SORL1: variants seen among roughly 807,000 people sequenced by gnomAD.
SORL1 encodes sortilin related receptor 1.
A neutral mutation model predicts 273.7 loss-of-function variants in SORL1; 127 were observed. That is an observed-to-expected ratio of 0.46 (90% CI 0.40 to 0.54). The LOEUF is 0.54. Ranked by LOEUF, SORL1 falls within the 20% of genes least tolerant of loss-of-function variation. SORL1 has a pLI of 0.00. For missense variants in SORL1, 2,494 were observed against 2,846.1 expected (o/e 0.88, Z 2.81); for synonymous variants, 1,031 against 1,067.4 (o/e 0.97, Z 0.66).
Position 121,522,719 on chromosome 11 carries a change from T to C in SORL1, c.1522+16T>C. 3.1e-6 allele frequency: 5 copies of C among 1,593,754 alleles called. No individual in the cohort carries two copies. Among genetic ancestry groups the C allele is most frequent in the Non-Finnish European group, 4.3e-6 (5 of 1,161,382 alleles). On this transcript the variant is annotated intron_variant, in intron 10 of 47. Transcript: ENST00000260197. ...ATCGCCACTGGTAAGTGTGCTTGCC[T>C]GTTCTCAAAAGGGGTTCAGCTGTCT...
intron 3 of SORL1, among the ~76,000 whole-genome samples, chr11:121,479,722 G>A (rs543723745): frequency 1.6e-4 from 24 of 152,322 alleles, no homozygotes; most frequent in African/African-American, 5.3e-4. Context: ...GGCAGCGGCT[G>A]TTGACCAGGT....
intron 26 of SORL1, among the ~76,000 whole-genome samples, chr11:121,585,301 T>C (rs1005788983): frequency 3.9e-5 from 6 of 152,132 alleles, no homozygotes; most frequent in African/African-American, 1.4e-4. Flanking sequence ...CTGGGCAACA[T>C]AGCAAGACCC....
chr11:121,621,872 C>T (rs950271909), intron 44 of SORL1, among the ~76,000 whole-genome samples: 4 of 152,244 alleles, frequency 2.6e-5, no homozygotes, highest in African/African-American at 9.6e-5. Flanking sequence ...CCATTCCTTC[C>T]TCACCACCCT....
At position 121,596,828 on chromosome 11, in the gene SORL1, A is replaced by G. The variant is rs1565349215; in HGVS notation, c.4519+1056A>G. On this transcript the variant is annotated intron_variant, in intron 32 of 47. Transcript: ENST00000260197. The surrounding 1 kb of genome is among the most constrained non-coding windows in gnomAD (Gnocchi z 4.3). ...CCACTTTGATCCCTGTTCTGGTCCC[A>G]TTTTTTTTTTAATCTTAAAATAATG... Among the ~76,000 whole-genome samples, 1 of 146,980 alleles carries G rather than the reference A, an allele frequency of 6.8e-6. No homozygotes were observed. The highest frequency in any genetic ancestry group is 2.5e-5 in the African/African-American group (1 of 40,062).
chr11:121,496,918 G>A lies in SORL1; in HGVS notation c.808G>A (p.Glu270Lys), dbSNP rs117260922. Residue 270 changes from glutamate (E) to lysine (K), a missense_variant, in exon 6 of 48, where the codon GAA becomes AAA. By Grantham distance (56) the Glu-to-Lys change is moderately conservative. Around this residue, in one of 3 missense-constraint regions of SORL1, gnomAD observed 710 missense variants for 882.5 expected, o/e 0.80. Transcript: ENST00000260197. The stretch of plus-strand genomic sequence containing the variant: ...AAATACCATCTACATTGAACGACAT[G>A]AACCCTCTGGCTACTCCACTGTCTT... ...KPNTIYIERH[E>K]PSGYSTVFRS... is the part of the protein sequence containing the mutation. 0.018 allele frequency: 28,342 copies of A among 1,612,990 alleles called. 279 individuals carry two copies. Among genetic ancestry groups the A allele is most frequent in the Middle Eastern group, 0.049 (297 of 6,060 alleles).
chr11:121,609,053 G>A (rs1407172050), intron 38 of SORL1: 1 of 152,242 alleles, frequency 6.6e-6, no homozygotes, highest in Non-Finnish European at 1.5e-5. Context: ...GAAGGGTTCT[G>A]GCATACTTTG....
intron 6 of SORL1, among the ~76,000 whole-genome samples, chr11:121,503,649 G>T (rs990547992): frequency 9.2e-5 from 14 of 152,000 alleles, no homozygotes; most frequent in African/African-American, 3.4e-4. Context: ...CACTGTGCCT[G>T]GCTAAGTTTT....
chr11:121,488,599 C>T lies in SORL1; in HGVS notation c.690+406C>T, dbSNP rs570364272. On this transcript the variant is annotated intron_variant, in intron 4 of 47. Coordinates refer to ENST00000260197, the MANE Select transcript of SORL1 (RefSeq NM_003105.6). ...TGCTTTCTCCATCCTCCATCTTAAACACTGCTTTTGCCTCCCATTTATTTG... is the reference window on the plus strand; with the variant it reads ...TGCTTTCTCCATCCTCCATCTTAAATACTGCTTTTGCCTCCCATTTATTTG... Among the ~76,000 whole-genome samples the T allele has an allele frequency of 3.3e-5, 5 of 152,324 alleles. 1 individual carries two copies. The South Asian group carries it at 1.0e-3, about 32-fold the overall frequency.
chr11:121,463,364 AG>A (rs1861032951), intron 1 of SORL1, among the ~76,000 whole-genome samples: 1 of 152,146 alleles, frequency 6.6e-6, no homozygotes, highest in South Asian at 2.1e-4. Flanking sequence ...AAAACAGCAA[AG>A]CATATTCGCT....
intron 19 of SORL1, among the ~76,000 whole-genome samples, chr11:121,558,241 G>A (rs1453346254): frequency 2.0e-5 from 3 of 152,160 alleles, no homozygotes; most frequent in African/African-American, 7.2e-5. Context: ...ATTGAAAATA[G>A]TTCTGTGTGA....
At chr11:121,483,623 A>C (rs551425693) in intron 3 of SORL1, among the ~76,000 whole-genome samples, 1 of 152,110 alleles carries the variant, frequency 6.6e-6, no homozygotes, top group Non-Finnish European at 1.5e-5. Context: ...ACACAAAGGC[A>C]CTCCTGAAAT....
At chr11:121,570,623 A>T (rs1399786345) in intron 23 of SORL1, among the ~76,000 whole-genome samples, 2 of 152,226 alleles carry the variant, frequency 1.3e-5, no homozygotes, top group Non-Finnish European at 2.9e-5. Context: ...GCGAGTAAAC[A>T]GGTGATATTC....
At chr11:121,502,823 G>A (rs758737712) in intron 6 of SORL1, among the ~76,000 whole-genome samples, 1 of 151,792 alleles carries the variant, frequency 6.6e-6, no homozygotes, top group African/African-American at 2.4e-5. Flanking sequence ...CTGCCATTCC[G>A]TGGTTTATCT....
chr11:121,543,476 A>G (rs1229591813), intron 12 of SORL1, 72 bp from the exon 13 acceptor site: 10 of 1,270,180 alleles, frequency 7.9e-6, no homozygotes, highest in African/African-American at 3.0e-5. Flanking sequence ...TTCCTGGTGA[A>G]TGTTATATGG....
chr11:121,515,045 G>A (rs998314563), intron 8 of SORL1, among the ~76,000 whole-genome samples: 1 of 152,198 alleles, frequency 6.6e-6, no homozygotes, highest in Non-Finnish European at 1.5e-5. Flanking sequence ...CTGGTCTGGG[G>A]TGGGGTCTGG....
At chr11:121,500,249 A>G (rs2134827547) in intron 6 of SORL1, among the ~76,000 whole-genome samples, 1 of 152,188 alleles carries the variant, frequency 6.6e-6, no homozygotes, top group South Asian at 2.1e-4. Context: ...AGGGTTAGCT[A>G]CTCCCCTACA....
At position 121,631,645 on chromosome 11, in the gene SORL1, C is replaced by G. The variant is rs1863878317; in HGVS notation, c.*2082C>G. 1 of 152,172 alleles carries G rather than the reference C, an allele frequency of 6.6e-6. No individual in the cohort carries two copies. Among genetic ancestry groups the G allele is most frequent in the Admixed American group, 6.5e-5 (1 of 15,282 alleles). 9.4% of individuals were successfully genotyped at this position (152,172 alleles called of 1,614,324 possible). A position where few individuals can be genotyped will look rare whatever the true frequency, so the allele number is the denominator to read the frequency against. On this transcript the variant is annotated 3_prime_UTR_variant, in exon 48 of 48. Coordinates refer to ENST00000260197, the MANE Select transcript of SORL1 (RefSeq NM_003105.6). ...TCCATAGGCAAGCCTTTTTACAGAG[C>G]ATATGTCTCCAGTTGGCAGCTTGAG...
At chr11:121,472,953 C>G (rs1403549617) in intron 2 of SORL1, among the ~76,000 whole-genome samples, 1 of 113,852 alleles carries the variant, frequency 8.8e-6, no homozygotes, top group Non-Finnish European at 1.8e-5. Flanking sequence ...AGAGAGAAAA[C>G]TCTGTCTCAA....
In SORL1 at chr11:121,588,076, T is replaced by C. The variant is rs201019377; in HGVS notation, c.3871T>C (p.Phe1291Leu). The change falls in exon 28 of 48, where the codon TTC (phenylalanine) becomes CTC (leucine). Residue 1291 changes from phenylalanine to leucine, a missense_variant. Physicochemically the swap from Phe to Leu is conservative, Grantham distance 22 (BLOSUM62 0). Coordinates refer to ENST00000260197, the MANE Select transcript of SORL1 (RefSeq NM_003105.6). ...FVCKNRQQCL[F>L]HSMVCDGIIQ... Reference sequence around the variant, plus strand: ...GTGTAAGAACCGCCAGCAGTGCCTGTTCCACTCCATGGTCTGTGACGGAAT... The same window carrying C: ...GTGTAAGAACCGCCAGCAGTGCCTGCTCCACTCCATGGTCTGTGACGGAAT... 5.9e-5 allele frequency: 96 copies of C among 1,613,710 alleles called. No homozygotes were observed. The highest frequency in any genetic ancestry group is 1.6e-4 in the Middle Eastern group (1 of 6,080).
Sources: gnomAD v4.1 joint callset for allele counts (sites outside exome capture counted in the v4.1 genomes callset) on GRCh38, gnomAD v4.1.1 for gene constraint, gnomAD v4.1.1 regional missense constraint, Gnocchi (gnomAD v3.1) non-coding constraint, MANE v1.5 for transcripts, NCBI Gene and HGNC (gene_info 2026-07-23, HGNC 2026-07-21) for gene names.